TMEM33: variants seen among roughly 807,000 people sequenced by gnomAD.
TMEM33 encodes transmembrane protein 33.
In TMEM33, 16 loss-of-function variants were observed where a neutral mutation model predicts 29.7. The ratio of observed to expected loss-of-function variants is 0.54; its 90% CI spans 0.36 to 0.82. The LOEUF is 0.82. Among genes scored for constraint, TMEM33 ranks in the 40% least tolerant of loss-of-function variants. TMEM33 has a pLI of 0.00. For synonymous variants in TMEM33, 112 were observed against 109.4 expected, an observed-to-expected ratio of 1.02 and a Z score of -0.15; for missense variants, 252 against 295.3, an observed-to-expected ratio of 0.85 and a Z score of 1.08.
intron 1 of TMEM33, among the ~76,000 whole-genome samples, chr4:41,938,393 C>T (rs1445077527): frequency 6.6e-6 from 1 of 152,100 alleles, no homozygotes; most frequent in Non-Finnish European, 1.5e-5. Flanking sequence ...ACTTCTTGTG[C>T]TTTCCACATG....
chr4:41,940,046 C>CTTTTTTTTTTTTTTTTTTTT (rs71650953), intron 3 of TMEM33, among the ~76,000 whole-genome samples: 1 of 81,358 alleles, frequency 1.2e-5, no homozygotes, highest in African/African-American at 5.6e-5. Context: ...GTTAAACTTT[C>CTTTTTTTTTTTTTTTTTTTT]TTTTTTTTTT....
At chr4:41,946,722 A>C (rs1233913173) in intron 5 of TMEM33, among the ~76,000 whole-genome samples, 2 of 152,156 alleles carry the variant, frequency 1.3e-5, no homozygotes, top group Non-Finnish European at 2.9e-5. Flanking sequence ...GACAACATCA[A>C]CATTCTAATA....
chr4:41,950,843 C>T (rs537704887), intron 6 of TMEM33, among the ~76,000 whole-genome samples: 1 of 152,216 alleles, frequency 6.6e-6, no homozygotes, highest in South Asian at 2.1e-4. Flanking sequence ...ATTTTCTTCA[C>T]ATACCCTTAA....
intron 3 of TMEM33, among the ~76,000 whole-genome samples, chr4:41,941,568 G>T (rs1332131029): frequency 6.6e-6 from 1 of 152,194 alleles, no homozygotes; most frequent in African/African-American, 2.4e-5. Flanking sequence ...CATGACTGGT[G>T]AAGAAAACCT....
At chr4:41,945,973 CAAAAAAAA>C (rs35896467) in intron 5 of TMEM33, among the ~76,000 whole-genome samples, 1 of 75,990 alleles carries the variant, frequency 1.3e-5, no homozygotes, top group East Asian at 5.1e-4. Flanking sequence ...TCTGTCTCAC[CAAAAAAAA>C]AAAAAAAAAA....
rs1560520683 is a variant in TMEM33 at position 41,954,835 on chromosome 4, G to C, written c.*636G>C. On this transcript the variant is annotated 3_prime_UTR_variant, in exon 7 of 7. Transcript: ENST00000504986. ...TGAGTATTTTTTAAAAGGCTCAACT[G>C]TAAGCCTCTTAGCCAGTTGGATAAA... 1 of 152,466 alleles carries C rather than the reference G, an allele frequency of 6.6e-6. No homozygotes were observed. The highest frequency in any genetic ancestry group is 2.4e-5 in the African/African-American group (1 of 41,418). 9.4% of individuals were successfully genotyped at this position (152,466 alleles called of 1,614,324 possible). A position where few individuals can be genotyped will look rare whatever the true frequency, so the allele number is the denominator to read the frequency against.
Position 41,954,380 on chromosome 4 carries a change from T to A in TMEM33, c.*181T>A. 1 of 719,550 alleles carries A rather than the reference T, an allele frequency of 1.4e-6. No homozygotes were observed. Among genetic ancestry groups the A allele is most frequent in the Admixed American group, 3.4e-5 (1 of 29,128 alleles). 44.6% of individuals were successfully genotyped at this position (719,550 alleles called of 1,614,324 possible). A position where few individuals can be genotyped will look rare whatever the true frequency, so the allele number is the denominator to read the frequency against. Reference sequence around the variant, plus strand: ...ATGTTAAATCAAGCTTAAAAAGTTTTGAGAAAATTTTACTGCGCTGTGTTG... The same window carrying A: ...ATGTTAAATCAAGCTTAAAAAGTTTAGAGAAAATTTTACTGCGCTGTGTTG... On this transcript the variant is annotated 3_prime_UTR_variant, in exon 7 of 7. Transcript: ENST00000504986.
intron 6 of TMEM33, chr4:41,953,712 C>G (rs188543977): frequency 2.2e-6 from 1 of 456,496 alleles, no homozygotes; most frequent in Admixed American, 2.4e-5. Context: ...GGGAAAGAGA[C>G]CAATCAGGAA....
At chr4:41,947,202 C>T (rs1712834747) in intron 5 of TMEM33, among the ~76,000 whole-genome samples, 1 of 150,744 alleles carries the variant, frequency 6.6e-6, no homozygotes, top group Non-Finnish European at 1.5e-5. Context: ...TGCCACTGCG[C>T]TCCAGCCTGG....
intron 6 of TMEM33, among the ~76,000 whole-genome samples, chr4:41,950,508 A>G (rs1040710943): frequency 2.0e-5 from 3 of 152,152 alleles, no homozygotes; most frequent in African/African-American, 7.2e-5. Flanking sequence ...ATATTTTAAA[A>G]GTACTTAGAC....
Position 41,957,213 on chromosome 4 carries a change from A to G in TMEM33, c.*3014A>G, listed in dbSNP as rs1369353886. On this transcript the variant is annotated 3_prime_UTR_variant, in exon 7 of 7. Transcript: ENST00000504986. Reference sequence around the variant, plus strand: ...CTTTTGTATAGTTGGTACCTTACTAATTTAAACTCTAATATCAATCTAAAG... The same window carrying G: ...CTTTTGTATAGTTGGTACCTTACTAGTTTAAACTCTAATATCAATCTAAAG... 6.7e-6 allele frequency: 1 copy of G among 150,344 alleles called. No homozygotes were observed. The highest frequency in any genetic ancestry group is 1.5e-5 in the Non-Finnish European group (1 of 67,754). The allele number at this position is 150,344 out of a possible 1,614,324, so 9.3% of individuals were successfully genotyped here.
chr4:41,948,456 C>T (rs552238689), intron 5 of TMEM33, among the ~76,000 whole-genome samples: 13 of 151,466 alleles, frequency 8.6e-5, no homozygotes, highest in Non-Finnish European at 1.6e-4. Flanking sequence ...AGTTCGTAAT[C>T]GTGTAAATTT....
intron 3 of TMEM33, among the ~76,000 whole-genome samples, chr4:41,943,057 C>T (rs1712612333): frequency 6.6e-6 from 1 of 152,174 alleles, no homozygotes; most frequent in South Asian, 2.1e-4. Context: ...TGTAAAACTA[C>T]TGTGTTTGAA....
At chr4:41,945,973 CAAAAA>C (rs35896467) in intron 5 of TMEM33, among the ~76,000 whole-genome samples, 1 of 75,988 alleles carries the variant, frequency 1.3e-5, no homozygotes, top group Admixed American at 1.5e-4. Context: ...TCTGTCTCAC[CAAAAA>C]AAAAAAAAAA....
At chr4:41,940,046 CTTTTTT>C (rs71650953) in intron 3 of TMEM33, among the ~76,000 whole-genome samples, 3,450 of 81,398 alleles carry the variant, frequency 0.042, 63 homozygotes, top group Non-Finnish European at 0.056. Context: ...GTTAAACTTT[CTTTTTT>C]TTTTTTTTTT....
At chr4:41,935,602 G>A in intron 1 of TMEM33, 73 bp downstream of exon 1, 1 of 1,488,680 alleles carries the variant, frequency 6.7e-7, no homozygotes, top group Non-Finnish European at 9.2e-7. Flanking sequence ...TGCGAGTCCC[G>A]AGGCGTTCCA....
Position 41,939,327 on chromosome 4 carries a change from A to T in TMEM33, c.272A>T (p.Asp91Val). The change falls in exon 3 of 7, where the codon GAC (aspartate) becomes GTC (valine). Residue 91 changes from aspartate (D) to valine (V), a missense_variant. By Grantham distance (152) the Asp-to-Val change is radical (BLOSUM62 -3). Coordinates refer to ENST00000504986, the MANE Select transcript of TMEM33 (RefSeq NM_018126.3). ...TTCCTGGCCCAGGCTTTGTTAGAGG[A>T]CAGCTGCCACTACCTGTTGTATTCA... ...RAFLAQALLE[D>V]SCHYLLYSLI... 2 of 1,613,766 alleles carry T rather than the reference A, an allele frequency of 1.2e-6. No homozygotes were observed. Among genetic ancestry groups the T allele is most frequent in the Non-Finnish European group, 1.7e-6 (2 of 1,179,920 alleles).
chr4:41,938,410 A>G (rs944336442), intron 1 of TMEM33, among the ~76,000 whole-genome samples, 192 bp from the exon 2 acceptor site: 3 of 152,266 alleles, frequency 2.0e-5, no homozygotes, highest in Non-Finnish European at 2.9e-5. Flanking sequence ...CATGAAAACT[A>G]TAAGGTGTTT....
intron 5 of TMEM33, among the ~76,000 whole-genome samples, chr4:41,947,214 G>A (rs1226602683): frequency 1.3e-5 from 2 of 148,298 alleles, no homozygotes; most frequent in Middle Eastern, 3.5e-3. Flanking sequence ...CCAGCCTGGC[G>A]ACAGACCAAG....
Sources: gnomAD v4.1 joint callset for allele counts (sites outside exome capture counted in the v4.1 genomes callset) on GRCh38, gnomAD v4.1.1 for gene constraint, MANE v1.5 for transcripts, NCBI Gene and HGNC (gene_info 2026-07-23, HGNC 2026-07-21) for gene names.